The following ANO10 variants were observed in gnomAD, a reference collection of about 807,000 sequenced individuals.
ANO10 encodes the protein anoctamin-10.
Under a neutral mutation model 74.7 loss-of-function variants are expected in ANO10, and 77 were observed. The observed-to-expected ratio is 1.03, with a 90% CI of 0.86 to 1.25. The LOEUF (loss-of-function observed/expected upper bound fraction) is 1.25, where lower values mean the gene tolerates loss of function less well. ANO10 is among the 50% of genes most tolerant of loss of function. The pLI, the probability that ANO10 is intolerant of heterozygous loss-of-function variation, is 0.00. For missense variants in ANO10, 721 were observed against 778.1 expected, an observed-to-expected ratio of 0.93 and a Z score of 0.87; for synonymous variants, 279 against 284.9, an observed-to-expected ratio of 0.98 and a Z score of 0.21.
At chr3:43,440,362 A>G (rs1485376212) in intron 11 of ANO10, among the ~76,000 whole-genome samples, 1 of 152,176 alleles carries the variant, frequency 6.6e-6, no homozygotes, top group Non-Finnish European at 1.5e-5. Context: ...GCTCATTTTC[A>G]TTTACCATGA....
rs1343078349 is a variant in ANO10, at chr3:43,576,695, A to G, written c.1159T>C (p.Trp387Arg). ...AATATAAAGCCTCAAGTCTTACCCC[A>G]TGAAGTTAAAAACTCGGCAGCATAT... Reference protein sequence around the residue: ...YRYAAEFLTSWENHRLESAYQ... With the variant: ...YRYAAEFLTSRENHRLESAYQ... The change falls in exon 6 of 13, where the codon TGG becomes CGG. Residue 387 changes from tryptophan to arginine, a missense_variant. Physicochemically the swap from Trp to Arg is moderately radical, Grantham distance 101 (BLOSUM62 -3). Transcript: ENST00000292246. 6.2e-7 allele frequency: 1 copy of G among 1,614,162 alleles called. No individual in the cohort carries two copies. Among genetic ancestry groups the G allele is most frequent in the African/African-American group, 1.3e-5 (1 of 75,062 alleles).
At chr3:43,632,109 TA>T (rs2083554855) in intron 1 of ANO10, among the ~76,000 whole-genome samples, 1 of 152,094 alleles carries the variant, frequency 6.6e-6, no homozygotes, top group Admixed American at 6.5e-5. Flanking sequence ...TACAAAATTG[TA>T]ATTATCTCCT....
intron 1 of ANO10, among the ~76,000 whole-genome samples, chr3:43,656,279 G>A (rs1157419324): frequency 2.6e-5 from 4 of 152,032 alleles, no homozygotes; most frequent in Admixed American, 2.6e-4. Context: ...TAGATACAGA[G>A]TGCTGATTGG....
chr3:43,510,180 T>A (rs1209002529), intron 11 of ANO10, among the ~76,000 whole-genome samples: 2 of 152,078 alleles, frequency 1.3e-5, no homozygotes, highest in Non-Finnish European at 2.9e-5. Flanking sequence ...AAGCCTGTAA[T>A]CCTAGCACTG....
intron 12 of ANO10, among the ~76,000 whole-genome samples, chr3:43,399,658 G>A (rs1045739238): frequency 2.0e-5 from 3 of 152,230 alleles, no homozygotes. Flanking sequence ...GAATGGGGGC[G>A]CTCTGTGTAC....
intron 11 of ANO10, among the ~76,000 whole-genome samples, chr3:43,433,603 T>C (rs961082471): frequency 3.7e-4 from 57 of 152,228 alleles, no homozygotes; most frequent in African/African-American, 1.3e-3. Context: ...CATTATAATA[T>C]GGAAAACTTA....
chr3:43,626,777 C>T (rs2083496549), upstream of ANO10, among the ~76,000 whole-genome samples: 1 of 152,144 alleles, frequency 6.6e-6, no homozygotes, highest in South Asian at 2.1e-4. Flanking sequence ...AATTTCCTTC[C>T]CTATTTATGA....
intron 2 of ANO10, among the ~76,000 whole-genome samples, chr3:43,604,076 T>G (rs1029480067): frequency 7.2e-5 from 11 of 152,106 alleles, no homozygotes; most frequent in Non-Finnish European, 2.9e-5. Context: ...GATTCAAGGA[T>G]CTATTTATTT....
At chr3:43,668,108 T>A (rs1465509032) in intron 1 of ANO10, among the ~76,000 whole-genome samples, 1 of 152,172 alleles carries the variant, frequency 6.6e-6, no homozygotes, top group Non-Finnish European at 1.5e-5. Context: ...GTTTTTTGAC[T>A]TTTTTATTAT....
At chr3:43,602,137 A>G (rs1252780127) in intron 2 of ANO10, among the ~76,000 whole-genome samples, 1 of 152,024 alleles carries the variant, frequency 6.6e-6, no homozygotes, top group Non-Finnish European at 1.5e-5. Context: ...CAAGTGTCAA[A>G]TTGACAAAGT....
intron 11 of ANO10, among the ~76,000 whole-genome samples, chr3:43,442,570 T>C (rs1292117809): frequency 6.6e-6 from 1 of 152,204 alleles, no homozygotes; most frequent in African/African-American, 2.4e-5. Flanking sequence ...ACATTCTGTG[T>C]TCATGTGCTG....
At chr3:43,389,135 A>G (rs1382459673) in intron 12 of ANO10, among the ~76,000 whole-genome samples, 1 of 152,242 alleles carries the variant, frequency 6.6e-6, no homozygotes, top group Non-Finnish European at 1.5e-5. Flanking sequence ...TGTGAAATCT[A>G]GAGTGTTAGA....
At chr3:43,549,975 T>C (rs542099023) in intron 10 of ANO10, 127 bp from the exon 11 acceptor site, 1 of 1,132,050 alleles carries the variant, frequency 8.8e-7, no homozygotes, top group Non-Finnish European at 1.2e-6. Context: ...AAGTACATTT[T>C]AAATTTTTTT....
chr3:43,530,711 T>C (rs1447165540), intron 11 of ANO10, among the ~76,000 whole-genome samples: 1 of 152,198 alleles, frequency 6.6e-6, no homozygotes, highest in East Asian at 1.9e-4. Context: ...ATGATTGTTC[T>C]ACTATTGTTG....
chr3:43,528,384 C>G (rs2078304134), intron 11 of ANO10, among the ~76,000 whole-genome samples: 1 of 151,266 alleles, frequency 6.6e-6, no homozygotes, highest in Non-Finnish European at 1.5e-5. Flanking sequence ...ATTAAATAAC[C>G]TTAAATAAGC....
intron 10 of ANO10, among the ~76,000 whole-genome samples, chr3:43,554,675 A>T (rs1575414270): frequency 1.3e-5 from 2 of 152,158 alleles, no homozygotes; most frequent in East Asian, 3.9e-4. Flanking sequence ...AACCACTGGC[A>T]TCCAGGGGGG....
chr3:43,402,587 T>A (rs2092502264), intron 12 of ANO10, among the ~76,000 whole-genome samples: 1 of 152,138 alleles, frequency 6.6e-6, no homozygotes, highest in Non-Finnish European at 1.5e-5. Flanking sequence ...AGAAATTCTA[T>A]CACCTGGCTA....
rs1274165344 is a variant in ANO10 at position 43,454,658 on chromosome 3, G to A, written c.1798-21931C>T. Among the ~76,000 whole-genome samples, 4 of 152,230 alleles carry A rather than the reference G, an allele frequency of 2.6e-5. No homozygotes were observed. The East Asian group carries it at 5.8e-4, about 22-fold the overall frequency. On this transcript the variant is annotated intron_variant, in intron 11 of 12. Coordinates refer to ENST00000292246, the MANE Select transcript of ANO10 (RefSeq NM_018075.5). ...GGGACCTGAAAATCAAATGAAAACAGTGTTTCCAGGAGAGAGGAGTCAGGT... is the reference window on the plus strand; with the variant it reads ...GGGACCTGAAAATCAAATGAAAACAATGTTTCCAGGAGAGAGGAGTCAGGT...
intron 11 of ANO10, among the ~76,000 whole-genome samples, chr3:43,520,744 T>G (rs946223879): frequency 6.6e-6 from 1 of 152,186 alleles, no homozygotes. Flanking sequence ...TCAAGATTGT[T>G]TTAGCTATTC....
Sources: gnomAD v4.1 joint callset for allele counts (sites outside exome capture counted in the v4.1 genomes callset) on GRCh38, gnomAD v4.1.1 for gene constraint, MANE v1.5 for transcripts, NCBI Gene and HGNC (gene_info 2026-07-23, HGNC 2026-07-21) for gene names.